The following DNAJC3 variants were observed in gnomAD, a reference collection of about 807,000 sequenced individuals.
The protein encoded by DNAJC3 is dnaJ homolog subfamily C member 3.
In DNAJC3, 38 loss-of-function variants were observed where a neutral mutation model predicts 68.6. That is an observed-to-expected ratio of 0.55 (90% CI 0.43 to 0.73). The LOEUF is 0.73. Ranked by LOEUF, DNAJC3 falls within the 30% of genes least tolerant of loss-of-function variation. The pLI is 0.00. For synonymous variants in DNAJC3, 203 were observed against 204.0 expected, an observed-to-expected ratio of 1.00 and a Z score of 0.04; for missense variants, 526 against 591.9, an observed-to-expected ratio of 0.89 and a Z score of 1.16.
intron 9 of DNAJC3, among the ~76,000 whole-genome samples, chr13:95,782,650 T>C (rs1347589617): frequency 1.3e-5 from 2 of 152,194 alleles, no homozygotes; most frequent in East Asian, 3.9e-4. Flanking sequence ...TTGATAGGGT[T>C]GTTTTCTTGT....
chr13:95,784,513 T>C (rs922011810), intron 9 of DNAJC3, among the ~76,000 whole-genome samples: 1 of 152,228 alleles, frequency 6.6e-6, no homozygotes, highest in Non-Finnish European at 1.5e-5. Context: ...AAGCTCGTTA[T>C]AGACACTGCA....
chr13:95,733,690 G>A (rs887682321), intron 4 of DNAJC3, among the ~76,000 whole-genome samples: 4 of 144,904 alleles, frequency 2.8e-5, no homozygotes, highest in African/African-American at 1.0e-4. Flanking sequence ...GTGAGCCACT[G>A]TGCCTGGCCT....
At chr13:95,677,421 C>A in intron 1 of DNAJC3, 84 bp downstream of exon 1, 2 of 1,410,080 alleles carry the variant, frequency 1.4e-6, no homozygotes, top group Non-Finnish European at 1.9e-6. Context: ...GGCGCCTGTC[C>A]CGGAGCGGCT....
intron 1 of DNAJC3, among the ~76,000 whole-genome samples, chr13:95,682,170 T>C (rs185867091): frequency 2.2e-4 from 33 of 152,356 alleles, no homozygotes; most frequent in African/African-American, 7.7e-4. Flanking sequence ...TATCTTTCTT[T>C]GGCTAGATTC....
intron 4 of DNAJC3, among the ~76,000 whole-genome samples, chr13:95,731,516 G>A (rs1881707675): frequency 6.6e-6 from 1 of 152,158 alleles, no homozygotes; most frequent in Non-Finnish European, 1.5e-5. Context: ...AGGAGGCTTT[G>A]AATTTTATCA....
At chr13:95,724,506 T>A (rs1014008611) in intron 3 of DNAJC3, among the ~76,000 whole-genome samples, 5 of 152,186 alleles carry the variant, frequency 3.3e-5, no homozygotes, top group African/African-American at 1.2e-4. Flanking sequence ...GCAAAAAGTA[T>A]TTTTAAAAAT....
At chr13:95,750,485 G>C (rs1882441012) in intron 4 of DNAJC3, among the ~76,000 whole-genome samples, 2 of 151,834 alleles carry the variant, frequency 1.3e-5, no homozygotes, top group Non-Finnish European at 2.9e-5. Flanking sequence ...ATTTAAGCAA[G>C]ACTTACAGCA....
At position 95,790,553 on chromosome 13, in the gene DNAJC3, G is replaced by GAATT. The variant is rs747189564; in HGVS notation, c.1358-318_1358-315dup. ...TTGTAGACTCTTGGAAGTTTCTCTT[G>GAATT]AATTATTTTTTTCCAAATAATTTCA... On this transcript the variant is annotated intron_variant, in intron 11 of 11. Coordinates refer to ENST00000602402, the MANE Select transcript of DNAJC3 (RefSeq NM_006260.5). 1.1e-3 allele frequency among the ~76,000 whole-genome samples: 160 copies of GAATT among 152,274 alleles called. 1 individual carries two copies. Among genetic ancestry groups the GAATT allele is most frequent in the Middle Eastern group, 3.4e-3 (1 of 294 alleles).
At chr13:95,756,036 C>T (rs1423673320) in intron 4 of DNAJC3, among the ~76,000 whole-genome samples, 1 of 152,132 alleles carries the variant, frequency 6.6e-6, no homozygotes, top group African/African-American at 2.4e-5. Context: ...CTCCTCTCAC[C>T]TTCCAACAAG....
intron 9 of DNAJC3, among the ~76,000 whole-genome samples, chr13:95,773,154 T>TG (rs931722145): frequency 1.4e-5 from 2 of 144,388 alleles, no homozygotes; most frequent in African/African-American, 5.5e-5. Context: ...CAAATTTAGT[T>TG]TTTTTTTTTT....
rs894401299 is a variant in DNAJC3, at chr13:95,794,928, G to A, written c.*3898G>A. 5.3e-5 allele frequency: 8 copies of A among 152,146 alleles called. No homozygotes were observed. Among genetic ancestry groups the A allele is most frequent in the Admixed American group, 3.9e-4 (6 of 15,278 alleles). The allele number at this position is 152,146 out of a possible 1,614,324, so 9.4% of individuals were successfully genotyped here. On this transcript the variant is annotated 3_prime_UTR_variant, in exon 12 of 12. Coordinates refer to ENST00000602402, the MANE Select transcript of DNAJC3 (RefSeq NM_006260.5). ...GTCTCAGACATGTCTACAAATATGGGTACTATTTTTATGCCCGTGTATTTT... is the reference window on the plus strand; with the variant it reads ...GTCTCAGACATGTCTACAAATATGGATACTATTTTTATGCCCGTGTATTTT...
chr13:95,694,429 G>A (rs1433012753), intron 1 of DNAJC3: 1 of 152,522 alleles, frequency 6.6e-6, no homozygotes, highest in Non-Finnish European at 1.5e-5. Flanking sequence ...ATAGGAGAAA[G>A]TTTTGAAGAC....
intron 4 of DNAJC3, among the ~76,000 whole-genome samples, chr13:95,753,221 T>C (rs1882537865): frequency 6.6e-6 from 1 of 152,224 alleles, no homozygotes; most frequent in Non-Finnish European, 1.5e-5. Flanking sequence ...ATATGCATGT[T>C]TAACAAGGTA....
In DNAJC3 at chr13:95,790,913, T is replaced by C. The variant is rs746076866; in HGVS notation, c.1398T>C (p.Asp466=). The C allele has an allele frequency of 7.2e-5, 115 of 1,606,932 alleles. No homozygotes were observed. Among genetic ancestry groups the C allele is most frequent in the Non-Finnish European group, 9.5e-5 (112 of 1,178,524 alleles). ...TTGACGACGGAGAAGATCCTTTGGA[T>C]GCAGAGAGCCAGCAAGGAGGCGGCG... ...KKFDDGEDPL[D]AESQQGGGGN... The change falls in exon 12 of 12, where the codon GAT becomes GAC. Residue 466 remains aspartate (D), a synonymous_variant. Coordinates refer to ENST00000602402, the MANE Select transcript of DNAJC3 (RefSeq NM_006260.5).
rs190449345 is a variant in DNAJC3, at chr13:95,710,073, C to T, written c.193+736C>T. 2.1e-4 allele frequency among the ~76,000 whole-genome samples: 32 copies of T among 152,306 alleles called. No individual in the cohort carries two copies. The East Asian group carries it at 5.4e-3, about 26-fold the overall frequency. ...CTCTTCAGTATTGGTCAGACCCCAG[C>T]TGCTCTTCATTTATACTGTTGCTTC... On this transcript the variant is annotated intron_variant, in intron 2 of 11. Coordinates refer to ENST00000602402, the MANE Select transcript of DNAJC3 (RefSeq NM_006260.5).
chr13:95,681,127 C>T (rs769546765), intron 1 of DNAJC3, among the ~76,000 whole-genome samples: 1 of 152,192 alleles, frequency 6.6e-6, no homozygotes, highest in East Asian at 1.9e-4. Context: ...TTCACGTCCT[C>T]TTTTTCTCCT....
intron 2 of DNAJC3, among the ~76,000 whole-genome samples, chr13:95,710,603 A>G (rs1880924080): frequency 6.6e-6 from 1 of 151,950 alleles, no homozygotes; most frequent in Non-Finnish European, 1.5e-5. Flanking sequence ...TTCTTTACTT[A>G]TATATTTTTA....
intron 1 of DNAJC3, among the ~76,000 whole-genome samples, chr13:95,696,563 T>G (rs1448367525): frequency 6.6e-6 from 1 of 151,868 alleles, no homozygotes; most frequent in East Asian, 1.9e-4. Context: ...CTTCTTTGCC[T>G]TTTTTAAAAA....
Position 95,725,165 on chromosome 13 carries a change from C to G in DNAJC3, c.319-13C>G. On this transcript the variant is annotated splice_polypyrimidine_tract_variant and intron_variant, in intron 3 of 11. Transcript: ENST00000602402. ...TAATATTCAAGATAATCCTCTGCCC[C>G]CTTTTTTTCTAGGCAAGATTACAGA... is the stretch of plus-strand genomic sequence containing the variant. 1 of 1,545,752 alleles carries G rather than the reference C, an allele frequency of 6.5e-7. No homozygotes were observed. The highest frequency in any genetic ancestry group is 1.3e-5 in the South Asian group (1 of 78,566).
Sources: gnomAD v4.1 joint callset for allele counts (sites outside exome capture counted in the v4.1 genomes callset) on GRCh38, gnomAD v4.1.1 for gene constraint, MANE v1.5 for transcripts, NCBI Gene and HGNC (gene_info 2026-07-23, HGNC 2026-07-21) for gene names.